DDX23: variants seen among roughly 807,000 people sequenced by gnomAD.
The protein encoded by DDX23 is DEAD-box helicase 23.
DDX23 carries 33 observed loss-of-function variants against 102.7 expected under a neutral mutation model. The observed-to-expected ratio is 0.32, with a 90% CI of 0.24 to 0.43. The LOEUF is 0.43. Among genes scored for constraint, DDX23 ranks in the 20% least tolerant of loss-of-function variants. The probability of loss-of-function intolerance (pLI) is 1.00; values close to 1 mark genes in which losing one functional copy is unlikely to be tolerated. For missense variants in DDX23, 549 were observed against 1,086.6 expected (o/e 0.51, Z 6.96); for synonymous variants, 352 against 376.0 (o/e 0.94, Z 0.74).
At chr12:48,838,864 C>T (rs1220299392) in intron 5 of DDX23, among the ~76,000 whole-genome samples, 3 of 151,958 alleles carry the variant, frequency 2.0e-5, no homozygotes, top group Non-Finnish European at 4.4e-5. Flanking sequence ...AACAAACAAA[C>T]AAACAATGCA....
intron 1 of DDX23, among the ~76,000 whole-genome samples, chr12:48,850,652 G>C (rs1164414885): frequency 1.3e-5 from 2 of 152,180 alleles, no homozygotes; most frequent in African/African-American, 4.8e-5. Flanking sequence ...GGATGAACCA[G>C]AGAAAAAGAC....
chr12:48,842,608 C>T (rs866928940), intron 3 of DDX23, among the ~76,000 whole-genome samples: 1,923 of 146,056 alleles, frequency 0.013, no homozygotes, highest in African/African-American at 0.047. Context: ...CGCCTCTGCC[C>T]GGCCGCCCCT....
intron 3 of DDX23, among the ~76,000 whole-genome samples, chr12:48,841,999 G>A (rs1366026037): frequency 4.8e-5 from 7 of 145,776 alleles, no homozygotes; most frequent in Non-Finnish European, 6.1e-5. Context: ...CGGCCGCCCC[G>A]TCTGAGAAGT....
intron 2 of DDX23, among the ~76,000 whole-genome samples, chr12:48,844,875 G>A (rs887095836): frequency 4.0e-5 from 6 of 151,492 alleles, no homozygotes; most frequent in Non-Finnish European, 7.4e-5. Flanking sequence ...ATGCCTAGCC[G>A]GGCGTGGTGG....
chr12:48,834,194 A>G, intron 12 of DDX23, 126 bp downstream of exon 12: 1 of 829,772 alleles, frequency 1.2e-6, no homozygotes, highest in Non-Finnish European at 1.8e-6. Flanking sequence ...AGTTCTCAAT[A>G]AATAGCACAT....
Position 48,839,830 on chromosome 12 carries a change from C to T in DDX23, c.480+14G>A, listed in dbSNP as rs1281396138. 1.9e-6 allele frequency: 3 copies of T among 1,613,700 alleles called. No individual in the cohort carries two copies. The East Asian group carries it at 6.7e-5, about 36-fold the overall frequency. ...GCAGCCTGAGCCGATGAATGAAGAC[C>T]CTCAAGTACTTACCTTAGCCTCAGC... On this transcript the variant is annotated intron_variant, in intron 5 of 16. Transcript: ENST00000308025.
chr12:48,846,138 T>C (rs961501879), intron 1 of DDX23, among the ~76,000 whole-genome samples: 3 of 123,052 alleles, frequency 2.4e-5, no homozygotes, highest in Non-Finnish European at 5.6e-5. Flanking sequence ...CTAGCTAATT[T>C]ATTTTTTTTA....
In DDX23 at chr12:48,836,331, T is replaced by C; in HGVS notation, c.1237-65A>G. 2.6e-6 allele frequency: 4 copies of C among 1,564,512 alleles called. No homozygotes were observed. The highest frequency in any genetic ancestry group is 3.5e-6 in the Non-Finnish European group (4 of 1,137,402). ...GTTATACCACCTGGGCAACCACTGA[T>C]AGTAGTAAGCACATCTGCTAGCACA... On this transcript the variant is annotated intron_variant, in intron 10 of 16. Transcript: ENST00000308025. This position sits in a 1 kb window ranked among gnomAD's most constrained non-coding sequence, Gnocchi z 6.1.
chr12:48,830,444 C>G lies in DDX23; in HGVS notation c.*25G>C, dbSNP rs1405328956. 1 of 1,613,396 alleles carries G rather than the reference C, an allele frequency of 6.2e-7. No individual in the cohort carries two copies. The highest frequency in any genetic ancestry group is 8.5e-7 in the Non-Finnish European group (1 of 1,179,548). ...GGCATCAGGCAGCTTTGGAGATGCC[C>G]TCAGCCCACAGGAAGAGTGCTGTGT... On this transcript the variant is annotated 3_prime_UTR_variant, in exon 17 of 17. Transcript: ENST00000308025. This position sits in a 1 kb window ranked among gnomAD's most constrained non-coding sequence, Gnocchi z 4.9.
Position 48,832,069 on chromosome 12 carries a change from C to G in DDX23, c.2064+9G>C. ...GAGGCTAGACTTTGTTCTCCCCTGC[C>G]AGACACACCCCCATCTTCTCCAGGG... is the stretch of plus-strand genomic sequence containing the variant. On this transcript the variant is annotated intron_variant, in intron 15 of 16. Transcript: ENST00000308025. This position sits in a 1 kb window ranked among gnomAD's most constrained non-coding sequence, Gnocchi z 4.4. 1 of 1,613,674 alleles carries G rather than the reference C, an allele frequency of 6.2e-7. No individual in the cohort carries two copies. The highest frequency in any genetic ancestry group is 8.5e-7 in the Non-Finnish European group (1 of 1,179,776).
intron 2 of DDX23, among the ~76,000 whole-genome samples, chr12:48,844,800 T>C (rs1938636833): frequency 6.6e-6 from 1 of 151,274 alleles, no homozygotes; most frequent in African/African-American, 2.4e-5. Context: ...GTTGGGTCAC[T>C]GAGGAAAACT....
intron 3 of DDX23, among the ~76,000 whole-genome samples, chr12:48,842,601 C>T (rs1938583624): frequency 6.7e-6 from 1 of 149,952 alleles, no homozygotes; most frequent in Admixed American, 6.6e-5. Flanking sequence ...TGAGGGGCGC[C>T]TCTGCCCGGC....
Position 48,830,054 on chromosome 12 carries a change from G to A in DDX23, c.*415C>T. 1 of 368,382 alleles carries A rather than the reference G, an allele frequency of 2.7e-6. No individual in the cohort carries two copies. 22.8% of individuals were successfully genotyped at this position (368,382 alleles called of 1,614,324 possible). ...AATCCTCATGGTGCCAGGTCTCCTG[G>A]GGCATCTAGGGCAATGATGCTACTG... On this transcript the variant is annotated 3_prime_UTR_variant, in exon 17 of 17. Transcript: ENST00000308025. The surrounding 1 kb of genome is among the most constrained non-coding windows in gnomAD (Gnocchi z 4.9).
At chr12:48,833,672 T>C (rs1050102727) in intron 12 of DDX23, 153 bp from the exon 13 acceptor site, 1 of 900,306 alleles carries the variant, frequency 1.1e-6, no homozygotes. Context: ...TCCTGCAAAC[T>C]GGCATGAAAT....
chr12:48,841,886 A>G (rs540622543), intron 3 of DDX23, among the ~76,000 whole-genome samples: 56 of 148,396 alleles, frequency 3.8e-4, no homozygotes, highest in South Asian at 6.5e-4. Context: ...CCGCCATCCC[A>G]TCTAGGAAGT....
chr12:48,840,883 A>T (rs1481648881), intron 3 of DDX23, among the ~76,000 whole-genome samples: 1 of 151,998 alleles, frequency 6.6e-6, no homozygotes, highest in East Asian at 2.0e-4. Context: ...CAATGAATTT[A>T]GCCTACATGG....
At chr12:48,845,377 C>T (rs908597421) in intron 2 of DDX23, among the ~76,000 whole-genome samples, 197 bp downstream of exon 2, 2 of 152,150 alleles carry the variant, frequency 1.3e-5, no homozygotes, top group South Asian at 2.1e-4. Context: ...ATGGCGTGAA[C>T]CTGCGAGGCG....
intron 1 of DDX23, among the ~76,000 whole-genome samples, chr12:48,851,001 A>G (rs1004637107): frequency 1.3e-5 from 2 of 152,218 alleles, no homozygotes; most frequent in Admixed American, 6.5e-5. Context: ...CATGCTTCCC[A>G]GCAGCCTTCC....
At chr12:48,846,337 A>G (rs536071412) in intron 1 of DDX23, among the ~76,000 whole-genome samples, 39 of 152,236 alleles carry the variant, frequency 2.6e-4, no homozygotes, top group Non-Finnish European at 5.6e-4. Flanking sequence ...ACTACAAAAG[A>G]GTATTAAAAG....
Sources: gnomAD v4.1 joint callset for allele counts (sites outside exome capture counted in the v4.1 genomes callset) on GRCh38, gnomAD v4.1.1 for gene constraint, Gnocchi (gnomAD v3.1) non-coding constraint, MANE v1.5 for transcripts, NCBI Gene and HGNC (gene_info 2026-07-23, HGNC 2026-07-21) for gene names.